The following JPH1 variants were observed in gnomAD, a reference collection of about 807,000 sequenced individuals.
JPH1 encodes junctophilin 1.
JPH1 carries 12 observed loss-of-function variants against 53.6 expected under a neutral mutation model. The ratio of observed to expected loss-of-function variants is 0.22; its 90% CI spans 0.14 to 0.36. The LOEUF (loss-of-function observed/expected upper bound fraction) is 0.36, where lower values mean the gene tolerates loss of function less well. JPH1 is among the 10% of genes least tolerant of loss of function. JPH1 has a pLI of 1.00. For missense variants in JPH1, 808 were observed against 905.5 expected (o/e 0.89, Z 1.38); for synonymous variants, 375 against 363.8 (o/e 1.03, Z -0.35).
chr8:74,245,796 T>G (rs946247055), intron 3 of JPH1, among the ~76,000 whole-genome samples: 2 of 151,368 alleles, frequency 1.3e-5, no homozygotes, highest in Non-Finnish European at 2.9e-5. Flanking sequence ...GCTTCAAGAT[T>G]TTTTTTTTCC....
chr8:74,273,452 C>T (rs1489277064), intron 2 of JPH1, among the ~76,000 whole-genome samples: 2 of 152,132 alleles, frequency 1.3e-5, no homozygotes, highest in East Asian at 1.9e-4. Context: ...TCAACAACAA[C>T]GACGACAAAC....
At chr8:74,277,107 G>T (rs1349579112) in intron 2 of JPH1, among the ~76,000 whole-genome samples, 1 of 152,162 alleles carries the variant, frequency 6.6e-6, no homozygotes. Context: ...TTTCACTGAG[G>T]TTTCAGCAGG....
chr8:74,263,186 A>G (rs759533272), intron 2 of JPH1, among the ~76,000 whole-genome samples: 1 of 152,216 alleles, frequency 6.6e-6, no homozygotes, highest in Non-Finnish European at 1.5e-5. Context: ...GAACTCACAT[A>G]GCTGATAAAG....
chr8:74,248,584 A>G (rs1014132825), intron 3 of JPH1, among the ~76,000 whole-genome samples: 3 of 152,248 alleles, frequency 2.0e-5, no homozygotes, highest in African/African-American at 7.2e-5. Flanking sequence ...CCATAGCACC[A>G]GCCTTACATG....
chr8:74,246,035 G>A (rs1805852390), intron 3 of JPH1, among the ~76,000 whole-genome samples: 1 of 152,080 alleles, frequency 6.6e-6, no homozygotes, highest in South Asian at 2.1e-4. Context: ...GCTGTGGTCT[G>A]GAAAGGGGCA....
rs1808104727 is a variant in JPH1, at chr8:74,315,097, G to A, written c.903C>T (p.Gly301=). ...TTGCCCACTCCCCTTCATACTTCATGCCATTGGAGCGCTCGCTAACGCCGA... is the reference window on the plus strand; with the variant it reads ...TTGCCCACTCCCCTTCATACTTCATACCATTGGAGCGCTCGCTAACGCCGA... ...NGFGVSERSN[G]MKYEGEWANN... is the part of the protein sequence containing the mutation. Residue 301 remains glycine (G), a synonymous_variant, in exon 2 of 6, where the codon GGC becomes GGT. Coordinates refer to ENST00000342232, the MANE Select transcript of JPH1 (RefSeq NM_020647.4). The surrounding 1 kb of genome is among the most constrained non-coding windows in gnomAD (Gnocchi z 6.3). The A allele has an allele frequency of 6.2e-7, 1 of 1,614,204 alleles. No individual in the cohort carries two copies. The highest frequency in any genetic ancestry group is 8.5e-7 in the Non-Finnish European group (1 of 1,180,050).
At chr8:74,281,180 TTAAAA>T (rs1360801703) in intron 2 of JPH1, among the ~76,000 whole-genome samples, 4 of 152,252 alleles carry the variant, frequency 2.6e-5, no homozygotes, top group African/African-American at 9.6e-5. Flanking sequence ...ATTTAAAGTC[TTAAAA>T]TGAACTTTCA....
intron 2 of JPH1, among the ~76,000 whole-genome samples, chr8:74,296,843 T>A (rs368435775): frequency 6.6e-6 from 1 of 152,158 alleles, no homozygotes; most frequent in Non-Finnish European, 1.5e-5. Context: ...AATAAATATA[T>A]CCAAGAAATC....
chr8:74,253,333 T>TA (rs201939746), intron 3 of JPH1, among the ~76,000 whole-genome samples: 6,607 of 152,152 alleles, frequency 0.043, 531 homozygotes, highest in African/African-American at 0.15. Flanking sequence ...AAAGATGTTC[T>TA]TTGAAACCAG....
At chr8:74,295,982 G>A (rs756307275) in intron 2 of JPH1, among the ~76,000 whole-genome samples, 3 of 131,792 alleles carry the variant, frequency 2.3e-5, no homozygotes, top group Non-Finnish European at 3.3e-5. Context: ...CCATTTCCAC[G>A]AAAGGGAACA....
At chr8:74,257,902 C>T (rs566320011) in intron 3 of JPH1, among the ~76,000 whole-genome samples, 13 of 152,226 alleles carry the variant, frequency 8.5e-5, no homozygotes, top group African/African-American at 2.9e-4. Context: ...CCCTCCCCAG[C>T]CTTTCTCTTA....
At chr8:74,266,817 C>T (rs139934972) in intron 2 of JPH1, among the ~76,000 whole-genome samples, 8 of 152,262 alleles carry the variant, frequency 5.3e-5, no homozygotes, top group African/African-American at 1.7e-4. Flanking sequence ...GAAGTAGCTG[C>T]ATGCAACCCA....
At chr8:74,297,732 C>A (rs79346716) in intron 2 of JPH1, among the ~76,000 whole-genome samples, 1 of 152,044 alleles carries the variant, frequency 6.6e-6, no homozygotes, top group Non-Finnish European at 1.5e-5. Context: ...TTTTCTAAGG[C>A]AAAGAAAGTT....
In JPH1 at chr8:74,320,810, G is replaced by T; in HGVS notation, c.379+99C>A. ...CCCCCAGGTGTTTTGGCGGGTTTCC[G>T]GACACGTGCGCCCGGCGTCCTCCCC... On this transcript the variant is annotated intron_variant, in intron 1 of 5. Transcript: ENST00000342232. The surrounding 1 kb of genome is among the most constrained non-coding windows in gnomAD (Gnocchi z 4.4). 7.4e-7 allele frequency: 1 copy of T among 1,342,850 alleles called. No individual in the cohort carries two copies. The highest frequency in any genetic ancestry group is 9.7e-7 in the Non-Finnish European group (1 of 1,035,976). The allele number at this position is 1,342,850 out of a possible 1,614,324, so 83.2% of individuals were successfully genotyped here.
At chr8:74,318,230 A>C (rs1254144800) in intron 1 of JPH1, among the ~76,000 whole-genome samples, 1 of 152,168 alleles carries the variant, frequency 6.6e-6, no homozygotes, top group Non-Finnish European at 1.5e-5. Context: ...CACAAGTATA[A>C]AAATTACTTT....
chr8:74,314,789 A>G, intron 2 of JPH1, 72 bp downstream of exon 2: 1 of 1,528,058 alleles, frequency 6.5e-7, no homozygotes, highest in Non-Finnish European at 8.9e-7. Flanking sequence ...ACTGGCAGAT[A>G]GACAAACATA....
intron 1 of JPH1, among the ~76,000 whole-genome samples, chr8:74,318,879 A>T (rs1475296795): frequency 6.6e-6 from 1 of 152,158 alleles, no homozygotes; most frequent in Non-Finnish European, 1.5e-5. Context: ...CCTTTTTATG[A>T]TTGAGAACTT....
chr8:74,254,706 C>A (rs1806165961), intron 3 of JPH1, among the ~76,000 whole-genome samples: 1 of 152,086 alleles, frequency 6.6e-6, no homozygotes, highest in South Asian at 2.1e-4. Context: ...TCTCAGGATA[C>A]AAAATCAATG....
At chr8:74,267,525 G>A (rs114496278) in intron 2 of JPH1, among the ~76,000 whole-genome samples, 11 of 152,318 alleles carry the variant, frequency 7.2e-5, no homozygotes, top group African/African-American at 2.4e-4. Flanking sequence ...AAATGAGTCA[G>A]TCCTGGAGAA....
Sources: allele counts gnomAD v4.1 joint callset (sites outside exome capture counted in the v4.1 genomes callset), GRCh38; gene constraint gnomAD v4.1.1; non-coding constraint Gnocchi (gnomAD v3.1); transcripts MANE v1.5; gene names NCBI Gene and HGNC (gene_info 2026-07-23, HGNC 2026-07-21).